Variants in PROM1 observed in about 807,000 individuals in gnomAD.
PROM1 encodes the protein prominin 1.
A neutral mutation model predicts 116.9 loss-of-function variants in PROM1; 105 were observed. The ratio of observed to expected loss-of-function variants is 0.90; its 90% CI spans 0.77 to 1.06. The LOEUF is 1.06. Among genes scored for constraint, PROM1 ranks in the 50% least tolerant of loss-of-function variants. The pLI is 0.00. For synonymous variants in PROM1, 393 were observed against 387.0 expected, an observed-to-expected ratio of 1.02 and a Z score of -0.18; for missense variants, 1,122 against 1,045.2, an observed-to-expected ratio of 1.07 and a Z score of -1.01.
intron 8 of PROM1, among the ~76,000 whole-genome samples, chr4:16,020,735 C>T (rs909588166): frequency 6.6e-6 from 1 of 152,116 alleles, no homozygotes; most frequent in African/African-American, 2.4e-5. Context: ...GTGTATTAAG[C>T]ACTGTTCATA....
chr4:16,024,694 T>C (rs898651195), intron 6 of PROM1, among the ~76,000 whole-genome samples: 4 of 152,122 alleles, frequency 2.6e-5, no homozygotes, highest in Non-Finnish European at 4.4e-5. Context: ...TCCGTGAGTA[T>C]GTGTACGTGT....
rs1714827026 is a variant in PROM1, at chr4:15,972,432, G to A, written c.2583-1350C>T. 1.3e-5 allele frequency among the ~76,000 whole-genome samples: 2 copies of A among 152,154 alleles called. 1 individual carries two copies. The highest frequency in any genetic ancestry group is 4.1e-4 in the South Asian group (2 of 4,820). ...GCAAATGAGTGCAAGAGACAGACAG[G>A]GAATGGGGTCGAGCTTCCTCCTTTT... is the stretch of plus-strand genomic sequence containing the variant. On this transcript the variant is annotated intron_variant, in intron 26 of 27. Transcript: ENST00000447510.
rs772340354 is a variant in PROM1 at position 16,008,936 on chromosome 4, A to C, written c.1301+13T>G. The C allele has an allele frequency of 6.4e-7, 1 of 1,565,666 alleles. No homozygotes were observed. The highest frequency in any genetic ancestry group is 8.8e-7 in the Non-Finnish European group (1 of 1,141,016). On this transcript the variant is annotated intron_variant, in intron 12 of 27. Coordinates refer to ENST00000447510, the MANE Select transcript of PROM1 (RefSeq NM_006017.3). Reference sequence around the variant, plus strand: ...TCACTCTCGTAGTTCACCAGCTCCAAGGAGACACTCACCAGTATGAATCAT... The same window carrying C: ...TCACTCTCGTAGTTCACCAGCTCCACGGAGACACTCACCAGTATGAATCAT...
intron 2 of PROM1, chr4:16,055,274 T>C (rs1457093688): frequency 5.1e-6 from 2 of 395,362 alleles, no homozygotes; most frequent in Admixed American, 6.1e-5. Flanking sequence ...GTGGCTTACG[T>C]CTACAGTTCC....
chr4:16,019,189 C>A (rs1180230333), intron 8 of PROM1, among the ~76,000 whole-genome samples: 1 of 152,216 alleles, frequency 6.6e-6, no homozygotes, highest in Non-Finnish European at 1.5e-5. Flanking sequence ...TTTAATTTTG[C>A]AAACCCTACC....
chr4:15,971,067 T>C lies in PROM1; in HGVS notation c.2598A>G (p.Ter866TrpextTer1), dbSNP rs1553884692. 1.3e-6 allele frequency: 2 copies of C among 1,581,584 alleles called. No individual in the cohort carries two copies. Among genetic ancestry groups the C allele is most frequent in the Non-Finnish European group, 1.7e-6 (2 of 1,163,892 alleles). Residue 866 changes from the stop codon to tryptophan, a stop_lost, in exon 27 of 28, where the codon TGA (stop) becomes TGG (tryptophan). Coordinates refer to ENST00000447510, the MANE Select transcript of PROM1 (RefSeq NM_006017.3). The part of the protein sequence containing the change: ...NPVMTSPSQH[*>W] ...CCTCAAGCAGTTTCAACATCAGCTA[T>C]CAATGTTGTGATGGGCTAAAAAACA...
intron 3 of PROM1, among the ~76,000 whole-genome samples, chr4:16,036,926 C>A (rs1156734496): frequency 6.6e-6 from 1 of 152,206 alleles, no homozygotes; most frequent in Non-Finnish European, 1.5e-5. Flanking sequence ...CTCAGTTCTG[C>A]ATCTTCTCTC....
intron 26 of PROM1, among the ~76,000 whole-genome samples, chr4:15,975,664 A>G (rs948850419): frequency 7.9e-5 from 12 of 152,202 alleles, no homozygotes; most frequent in Non-Finnish European, 5.9e-5. Flanking sequence ...GTCTGGGTGG[A>G]AAAGAAAGGT....
Position 16,068,396 on chromosome 4 carries a change from A to G in PROM1, c.220+7291T>C, listed in dbSNP as rs1742043248. On this transcript the variant is annotated intron_variant, in intron 2 of 27. Transcript: ENST00000447510. Reference sequence around the variant, plus strand: ...AGACAGATAGCAGCCTATTTCCCAAACAGGCCAGTTGCTATTGGCATGATA... The same window carrying G: ...AGACAGATAGCAGCCTATTTCCCAAGCAGGCCAGTTGCTATTGGCATGATA... Among the ~76,000 whole-genome samples, 5 of 152,192 alleles carry G rather than the reference A, an allele frequency of 3.3e-5. No homozygotes were observed. In the South Asian group the frequency reaches 1.0e-3, roughly 31 times the overall value.
At chr4:16,076,156 G>C (rs975432366) in intron 1 of PROM1, 38 bp from the exon 2 acceptor site, 3 of 636,556 alleles carry the variant, frequency 4.7e-6, no homozygotes, top group African/African-American at 3.6e-5. Context: ...TCATCAATGC[G>C]TGTAAACTGC....
chr4:16,064,525 C>T (rs879731137), intron 2 of PROM1, among the ~76,000 whole-genome samples: 2 of 152,152 alleles, frequency 1.3e-5, no homozygotes, highest in African/African-American at 2.4e-5. Flanking sequence ...ACTAGTTACA[C>T]GGATGCGATT....
intron 2 of PROM1, among the ~76,000 whole-genome samples, chr4:16,060,505 G>C (rs368763813): frequency 6.6e-6 from 1 of 152,000 alleles, no homozygotes; most frequent in Non-Finnish European, 1.5e-5. Context: ...TGTAGAGATG[G>C]GGTTTCGCCA....
At chr4:16,045,774 A>G (rs567355514) in intron 2 of PROM1, among the ~76,000 whole-genome samples, 2 of 152,230 alleles carry the variant, frequency 1.3e-5, no homozygotes, top group Non-Finnish European at 2.9e-5. Flanking sequence ...TGTATTCATA[A>G]AAGAGAATGC....
intron 8 of PROM1, among the ~76,000 whole-genome samples, chr4:16,022,115 GAGGGAAGA>G (rs1477958792): frequency 6.7e-6 from 1 of 148,908 alleles, no homozygotes; most frequent in African/African-American, 2.5e-5. Flanking sequence ...AGGAGGGAAG[GAGGGAAGA>G]AGGGAAGGAG....
At chr4:16,076,964 A>G (rs12510445) in intron 1 of PROM1, among the ~76,000 whole-genome samples, 120,903 of 152,164 alleles carry the variant, frequency 0.79, 48,270 homozygotes, top group Non-Finnish European at 0.84. Flanking sequence ...AGGCCGGAAG[A>G]CCGCAGGGAC....
chr4:15,990,083 C>G (rs1720605788), intron 18 of PROM1, among the ~76,000 whole-genome samples: 1 of 152,284 alleles, frequency 6.6e-6, no homozygotes, highest in Non-Finnish European at 1.5e-5. Context: ...TCCACCTCAC[C>G]ATGATACAGC....
chr4:15,978,570 G>C (rs1716830253), intron 26 of PROM1, among the ~76,000 whole-genome samples: 1 of 152,218 alleles, frequency 6.6e-6, no homozygotes, highest in African/African-American at 2.4e-5. Context: ...CTCCCATGTG[G>C]AGCGTGGGCC....
chr4:16,005,372 G>A (rs769374829), intron 13 of PROM1, among the ~76,000 whole-genome samples: 37 of 152,092 alleles, frequency 2.4e-4, no homozygotes, highest in Non-Finnish European at 4.0e-4. Context: ...GTGATTTTAC[G>A]ACTCTAGTTT....
chr4:15,985,485 A>T, intron 22 of PROM1: 1 of 417,636 alleles, frequency 2.4e-6, no homozygotes, highest in Non-Finnish European at 4.2e-6. Context: ...TTTTAGTTCA[A>T]ATTTGTTACC....
Sources: gnomAD v4.1 joint callset for allele counts (sites outside exome capture counted in the v4.1 genomes callset) on GRCh38, gnomAD v4.1.1 for gene constraint, MANE v1.5 for transcripts, NCBI Gene and HGNC (gene_info 2026-07-23, HGNC 2026-07-21) for gene names.